GMDS: variants seen among roughly 807,000 people sequenced by gnomAD.
GMDS encodes GDP-mannose 4,6-dehydratase.
In GMDS, 20 loss-of-function variants were observed where a neutral mutation model predicts 49.9. That is an observed-to-expected ratio of 0.40 (90% CI 0.28 to 0.58). The LOEUF (loss-of-function observed/expected upper bound fraction) is 0.58, where lower values mean the gene tolerates loss of function less well. GMDS is among the 20% of genes least tolerant of loss of function. The probability of loss-of-function intolerance (pLI) is 0.42; values close to 1 mark genes in which losing one functional copy is unlikely to be tolerated. For synonymous variants in GMDS, 177 were observed against 178.6 expected (o/e 0.99, Z 0.07); for missense variants, 362 against 481.4 (o/e 0.75, Z 2.32).
At chr6:2,225,311 C>T (rs1561671215) in intron 1 of GMDS, among the ~76,000 whole-genome samples, 1 of 152,128 alleles carries the variant, frequency 6.6e-6, no homozygotes, top group Non-Finnish European at 1.5e-5. Context: ...TCCTGAGTAA[C>T]CAAGCAAGAC....
At chr6:1,657,853 C>CAAAAAAAAAA (rs757277370) in intron 9 of GMDS, among the ~76,000 whole-genome samples, 8 of 63,356 alleles carry the variant, frequency 1.3e-4, no homozygotes, top group East Asian at 4.6e-4. Flanking sequence ...AGAACTCAAG[C>CAAAAAAAAAA]AAAAAAAAAA....
chr6:1,703,287 C>T lies in GMDS; in HGVS notation c.987+23129G>A, dbSNP rs561706553. On this transcript the variant is annotated intron_variant, in intron 9 of 10. Coordinates refer to ENST00000380815, the MANE Select transcript of GMDS (RefSeq NM_001500.4). ...CTCCACCCCTCTGGCTCTTGCTCTT[C>T]CTCAGGGAGAGCAGATGTTTTAACT... is the stretch of plus-strand genomic sequence containing the variant. 7.2e-5 allele frequency among the ~76,000 whole-genome samples: 11 copies of T among 152,230 alleles called. No individual in the cohort carries two copies. The South Asian group carries it at 2.3e-3, about 32-fold the overall frequency.
chr6:2,003,828 G>T (rs913134338), intron 4 of GMDS, among the ~76,000 whole-genome samples: 2 of 152,150 alleles, frequency 1.3e-5, no homozygotes, highest in Non-Finnish European at 2.9e-5. Context: ...AGTTACTACT[G>T]CACCAAACTC....
At position 1,636,297 on chromosome 6, in the gene GMDS, C is replaced by A. The variant is rs555835613; in HGVS notation, c.988-11757G>T. Among the ~76,000 whole-genome samples, 7 of 152,222 alleles carry A rather than the reference C, an allele frequency of 4.6e-5. No individual in the cohort carries two copies. In the South Asian group the frequency reaches 1.5e-3, roughly 32 times the overall value. On this transcript the variant is annotated intron_variant, in intron 9 of 10. Coordinates refer to ENST00000380815, the MANE Select transcript of GMDS (RefSeq NM_001500.4). Reference sequence around the variant, plus strand: ...ACATCAATTCTAAAAAGCCTGTTGGCGTAGAAAGTAGGCCCATCTTTGCAA... The same window carrying A: ...ACATCAATTCTAAAAAGCCTGTTGGAGTAGAAAGTAGGCCCATCTTTGCAA...
At chr6:1,881,649 G>T (rs1759367914) in intron 7 of GMDS, among the ~76,000 whole-genome samples, 1 of 152,174 alleles carries the variant, frequency 6.6e-6, no homozygotes, top group Admixed American at 6.5e-5. Context: ...ACAAAAAAAT[G>T]TTCTGTTTTC....
intron 4 of GMDS, among the ~76,000 whole-genome samples, chr6:1,998,457 A>G (rs1766433646): frequency 6.6e-6 from 1 of 152,144 alleles, no homozygotes; most frequent in African/African-American, 2.4e-5. Context: ...TAAATGCTAA[A>G]AAGTATAGAG....
At chr6:2,088,152 A>C (rs932083361) in intron 4 of GMDS, among the ~76,000 whole-genome samples, 1 of 152,208 alleles carries the variant, frequency 6.6e-6, no homozygotes. Context: ...TTTACAAACA[A>C]GAATGTTATG....
chr6:1,876,041 A>G (rs1759037768), intron 7 of GMDS, among the ~76,000 whole-genome samples: 1 of 151,426 alleles, frequency 6.6e-6, no homozygotes, highest in South Asian at 2.1e-4. Context: ...AAGAAAAGAA[A>G]AAAAATGTGA....
At chr6:1,965,509 T>C (rs970938921) in intron 4 of GMDS, among the ~76,000 whole-genome samples, 1 of 152,166 alleles carries the variant, frequency 6.6e-6, no homozygotes, top group African/African-American at 2.4e-5. Context: ...CAGTACATTG[T>C]GGCTGATCAA....
At chr6:2,240,601 C>CAA (rs57052982) in intron 1 of GMDS, among the ~76,000 whole-genome samples, 31 of 84,054 alleles carry the variant, frequency 3.7e-4, no homozygotes, top group East Asian at 9.0e-4. Context: ...AAGACTGTCT[C>CAA]AAAAAAAAAA....
Position 1,680,127 on chromosome 6 carries a change from A to G in GMDS, c.987+46289T>C, listed in dbSNP as rs1277247315. ...TGAAATTACGCGCACTTTGTAGATG[A>G]TATTTTCAGCTGGTCACAAAGAGGA... On this transcript the variant is annotated intron_variant, in intron 9 of 10. Coordinates refer to ENST00000380815, the MANE Select transcript of GMDS (RefSeq NM_001500.4). Among the ~76,000 whole-genome samples the G allele has an allele frequency of 2.0e-5, 3 of 152,222 alleles. 1 individual carries two copies. Among genetic ancestry groups the G allele is most frequent in the African/African-American group, 2.4e-5 (1 of 41,470 alleles).
chr6:1,681,834 T>C (rs1764802782), intron 9 of GMDS, among the ~76,000 whole-genome samples: 1 of 152,226 alleles, frequency 6.6e-6, no homozygotes, highest in Non-Finnish European at 1.5e-5. Context: ...TAGATGGGAC[T>C]ATAGGCACGC....
chr6:2,008,905 A>T (rs936201400), intron 4 of GMDS, among the ~76,000 whole-genome samples: 5 of 152,114 alleles, frequency 3.3e-5, no homozygotes, highest in African/African-American at 1.2e-4. Flanking sequence ...TTTCTCTCTT[A>T]CTTACTTTGC....
chr6:2,199,700 G>C (rs1220379546), intron 1 of GMDS, among the ~76,000 whole-genome samples: 1 of 152,110 alleles, frequency 6.6e-6, no homozygotes, highest in Non-Finnish European at 1.5e-5. Context: ...CTATTCCTAA[G>C]ATGATTTTCA....
At chr6:2,153,239 A>C (rs1328398803) in intron 1 of GMDS, among the ~76,000 whole-genome samples, 2 of 152,204 alleles carry the variant, frequency 1.3e-5, no homozygotes, top group Non-Finnish European at 2.9e-5. Context: ...ATGATAAAAT[A>C]CTAGAAAAAG....
In GMDS at chr6:2,079,019, C is replaced by CTTTTTTTTTTTTTTTTTTTT. The variant is rs386405902; in HGVS notation, c.345+36732_345+36751dup. 1.5e-4 allele frequency among the ~76,000 whole-genome samples: 5 copies of CTTTTTTTTTTTTTTTTTTTT among 33,990 alleles called. 1 individual carries two copies. The highest frequency in any genetic ancestry group is 2.8e-4 in the Non-Finnish European group (4 of 14,208). The allele number at this position is 33,990 out of a possible 152,430, so 22.3% of individuals were successfully genotyped here. A position where few individuals can be genotyped will look rare whatever the true frequency, so the allele number is the denominator to read the frequency against. ...CTTTGTCATTGCATAATGACCTTGT[C>CTTTTTTTTTTTTTTTTTTTT]TTTTTTTTTTTTTTTTTTTTTTTTT... On this transcript the variant is annotated intron_variant, in intron 4 of 10. Transcript: ENST00000380815.
At chr6:2,056,659 C>G (rs947564447) in intron 4 of GMDS, among the ~76,000 whole-genome samples, 9 of 152,118 alleles carry the variant, frequency 5.9e-5, no homozygotes, top group South Asian at 2.1e-4. Flanking sequence ...CTCAAAATCT[C>G]CAGGATTAGA....
At chr6:2,051,545 T>C (rs923299262) in intron 4 of GMDS, among the ~76,000 whole-genome samples, 2 of 152,206 alleles carry the variant, frequency 1.3e-5, no homozygotes, top group African/African-American at 4.8e-5. Flanking sequence ...CTGGCTTTTA[T>C]TTGCAGGATT....
chr6:1,788,942 C>T (rs558997479), intron 7 of GMDS, among the ~76,000 whole-genome samples: 65 of 152,328 alleles, frequency 4.3e-4, no homozygotes, highest in African/African-American at 1.3e-3. Context: ...GCCCTCACTT[C>T]GGGCACCAGC....
Sources: allele counts gnomAD v4.1 joint callset (sites outside exome capture counted in the v4.1 genomes callset), GRCh38; gene constraint gnomAD v4.1.1; transcripts MANE v1.5; gene names NCBI Gene and HGNC (gene_info 2026-07-23, HGNC 2026-07-21).